The following DPYD variants were observed in gnomAD, a reference collection of about 807,000 sequenced individuals.
DPYD encodes the protein dihydropyrimidine dehydrogenase.
In DPYD, 109 loss-of-function variants were observed where a neutral mutation model predicts 116.2. The observed-to-expected ratio is 0.94, with a 90% CI of 0.80 to 1.10. The LOEUF is 1.10. DPYD is among the 50% of genes least tolerant of loss of function. The pLI is 0.00. For missense variants in DPYD, 1,302 were observed against 1,254.5 expected (o/e 1.04, Z -0.57); for synonymous variants, 440 against 432.0 (o/e 1.02, Z -0.23).
intron 1 of DPYD, among the ~76,000 whole-genome samples, chr1:97,893,586 G>T (rs541542998): frequency 1.5e-4 from 23 of 150,986 alleles, no homozygotes; most frequent in Non-Finnish European, 1.6e-4. Flanking sequence ...GATGAAAAAT[G>T]ATGAATTTGT....
At chr1:97,305,766 C>A (rs1025021909) in intron 17 of DPYD, among the ~76,000 whole-genome samples, 4 of 151,898 alleles carry the variant, frequency 2.6e-5, no homozygotes, top group Admixed American at 1.3e-4. Context: ...CTAGGCCCTA[C>A]AAAATATGAA....
intron 13 of DPYD, among the ~76,000 whole-genome samples, chr1:97,501,784 G>A (rs1455001399): frequency 2.6e-5 from 4 of 152,040 alleles, no homozygotes; most frequent in South Asian, 2.1e-4. Context: ...GTAGGGAAGC[G>A]TTTTTTAGTT....
intron 8 of DPYD, among the ~76,000 whole-genome samples, chr1:97,660,901 T>C (rs1032500162): frequency 1.3e-5 from 2 of 152,178 alleles, no homozygotes; most frequent in African/African-American, 4.8e-5. Context: ...AATTATCATC[T>C]CAAACATCTG....
Position 97,325,573 on chromosome 1 carries a change from A to G in DPYD, c.2059-19276T>C, listed in dbSNP as rs1162196446. ...ATTCTGGGTTTGGTAAAATAAACAG[A>G]CATAAAAATGATCCAAAACAATCTG... On this transcript the variant is annotated intron_variant, in intron 16 of 22. Coordinates refer to ENST00000370192, the MANE Select transcript of DPYD (RefSeq NM_000110.4). Among the ~76,000 whole-genome samples the G allele has an allele frequency of 2.0e-5, 3 of 152,196 alleles. No individual in the cohort carries two copies. In the South Asian group the frequency reaches 6.2e-4, roughly 32 times the overall value.
At chr1:97,245,665 T>C (rs182496055) in intron 18 of DPYD, among the ~76,000 whole-genome samples, 16 of 152,154 alleles carry the variant, frequency 1.1e-4, no homozygotes, top group Admixed American at 5.2e-4. Context: ...AGTTTCATTT[T>C]ACTCTTGGGA....
At chr1:97,839,281 C>T (rs1472714097) in intron 2 of DPYD, among the ~76,000 whole-genome samples, 1 of 152,136 alleles carries the variant, frequency 6.6e-6, no homozygotes, top group East Asian at 1.9e-4. Flanking sequence ...GTAATATATG[C>T]CCTTTTATAA....
chr1:97,748,723 G>A (rs774393543), intron 3 of DPYD, among the ~76,000 whole-genome samples: 1 of 152,178 alleles, frequency 6.6e-6, no homozygotes, highest in South Asian at 2.1e-4. Context: ...CTCAGTCACT[G>A]TACTTCAGGA....
At chr1:97,366,985 G>T (rs1671072601) in intron 16 of DPYD, among the ~76,000 whole-genome samples, 1 of 151,998 alleles carries the variant, frequency 6.6e-6, no homozygotes, top group Non-Finnish European at 1.5e-5. Context: ...TCTTCATATT[G>T]TCTCCTCCAC....
At chr1:97,366,379 C>T (rs1383247716) in intron 16 of DPYD, among the ~76,000 whole-genome samples, 1 of 152,052 alleles carries the variant, frequency 6.6e-6, no homozygotes, top group African/African-American at 2.4e-5. Context: ...TAGGATGAAT[C>T]CAATGAATAT....
chr1:97,724,666 G>A (rs1326244685), intron 4 of DPYD, among the ~76,000 whole-genome samples: 1 of 151,284 alleles, frequency 6.6e-6, no homozygotes. Context: ...CACTTGGGAG[G>A]GCTATCTGCT....
chr1:97,142,222 T>C (rs927351401), intron 20 of DPYD, among the ~76,000 whole-genome samples: 2 of 152,214 alleles, frequency 1.3e-5, no homozygotes, highest in African/African-American at 2.4e-5. Context: ...GGGCCTTTTA[T>C]GGTGCAAATA....
chr1:97,224,269 G>C (rs1557951278), intron 19 of DPYD, among the ~76,000 whole-genome samples: 1 of 152,006 alleles, frequency 6.6e-6, no homozygotes, highest in Non-Finnish European at 1.5e-5. Context: ...TGGTTCTGTT[G>C]TAATAGTCAT....
intron 19 of DPYD, among the ~76,000 whole-genome samples, chr1:97,201,715 T>C (rs186278000): frequency 3.6e-4 from 55 of 152,234 alleles, no homozygotes; most frequent in African/African-American, 1.3e-3. Flanking sequence ...ATCAAAGTCA[T>C]GATGTCCCTA....
intron 11 of DPYD, among the ~76,000 whole-genome samples, chr1:97,553,020 A>G (rs1454974390): frequency 6.6e-6 from 1 of 151,968 alleles, no homozygotes; most frequent in Non-Finnish European, 1.5e-5. Flanking sequence ...TAGAATATGG[A>G]CAACATTTAT....
chr1:97,687,745 T>C (rs1359940462), intron 7 of DPYD, among the ~76,000 whole-genome samples: 21 of 152,046 alleles, frequency 1.4e-4, no homozygotes, highest in Admixed American at 1.4e-3. Context: ...ATCAATAATA[T>C]AGTGGATAAA....
At chr1:97,337,313 C>T (rs1669344599) in intron 16 of DPYD, among the ~76,000 whole-genome samples, 1 of 152,174 alleles carries the variant, frequency 6.6e-6, no homozygotes, top group Non-Finnish European at 1.5e-5. Flanking sequence ...TGATACTGAG[C>T]TTAAAGTACA....
chr1:97,545,672 G>C (rs945386338), intron 12 of DPYD: 7 of 695,216 alleles, frequency 1.0e-5, no homozygotes, highest in African/African-American at 7.1e-5. Context: ...ACAGCAGGAG[G>C]TAAGATTAAA....
intron 20 of DPYD, among the ~76,000 whole-genome samples, chr1:97,114,581 G>T (rs759170308): frequency 2.0e-5 from 3 of 152,152 alleles, no homozygotes; most frequent in Non-Finnish European, 4.4e-5. Flanking sequence ...TGATCAGTGT[G>T]CAGGGGTTAA....
chr1:97,887,469 T>TAAAAAAAAAAAAAAAAAAAAAAAAA (rs57316508), intron 1 of DPYD, among the ~76,000 whole-genome samples: 13 of 47,140 alleles, frequency 2.8e-4, no homozygotes, highest in Admixed American at 5.6e-4. Context: ...GACTCTGCAT[T>TAAAAAAAAAAAAAAAAAAAAAAAAA]AAAAAAAAAA....
Sources: allele counts gnomAD v4.1 joint callset (sites outside exome capture counted in the v4.1 genomes callset), GRCh38; gene constraint gnomAD v4.1.1; transcripts MANE v1.5; gene names NCBI Gene and HGNC (gene_info 2026-07-23, HGNC 2026-07-21).